Variants in CTNNA3 observed in about 807,000 individuals in gnomAD.
CTNNA3 encodes catenin alpha 3.
A neutral mutation model predicts 95.7 loss-of-function variants in CTNNA3; 76 were observed. That is an observed-to-expected ratio of 0.79 (90% confidence interval 0.66 to 0.96). The LOEUF is 0.96. Among genes scored for constraint, CTNNA3 ranks in the 40% least tolerant of loss-of-function variants. The pLI, the probability that CTNNA3 is intolerant of heterozygous loss-of-function variation, is 0.00. For missense variants in CTNNA3, 1,191 were observed against 1,089.8 expected (o/e 1.09, Z -1.31); for synonymous variants, 431 against 374.4 (o/e 1.15, Z -1.74).
Position 66,520,507 on chromosome 10 carries a change from T to C in CTNNA3, c.1531+110A>G, listed in dbSNP as rs1401458448. The C allele has an allele frequency of 6.3e-6, 6 of 952,046 alleles. 1 individual carries two copies. The Admixed American group carries it at 1.8e-4, about 29-fold the overall frequency. 59.0% of individuals were successfully genotyped at this position (952,046 alleles called of 1,614,324 possible). A position where few individuals can be genotyped will look rare whatever the true frequency, so the allele number is the denominator to read the frequency against. On this transcript the variant is annotated intron_variant, in intron 11 of 17. Coordinates refer to ENST00000433211, the MANE Select transcript of CTNNA3 (RefSeq NM_013266.4). ...CCTCAAGTAATCCACCTGCCTCGGC[T>C]TCCCAAAGTGTTGGCATTACAGGCA...
At chr10:67,402,189 A>G (rs1292392979) in intron 5 of CTNNA3, among the ~76,000 whole-genome samples, 1 of 152,242 alleles carries the variant, frequency 6.6e-6, no homozygotes, top group African/African-American at 2.4e-5. Context: ...AAGGAAGCCA[A>G]GCAATCCAGT....
intron 13 of CTNNA3, among the ~76,000 whole-genome samples, chr10:66,151,602 T>C (rs1246578974): frequency 6.6e-6 from 1 of 151,944 alleles, no homozygotes; most frequent in African/African-American, 2.4e-5. Flanking sequence ...TTCTAGAATG[T>C]ACTAAAGATA....
chr10:67,714,826 ATAAG>A (rs1285404317), intron 1 of CTNNA3, among the ~76,000 whole-genome samples: 1 of 152,184 alleles, frequency 6.6e-6, no homozygotes, highest in Non-Finnish European at 1.5e-5. Flanking sequence ...TTCTCAGTGA[ATAAG>A]TCTCATGAGA....
chr10:66,364,847 A>T (rs1427260155), intron 12 of CTNNA3, among the ~76,000 whole-genome samples: 1 of 152,124 alleles, frequency 6.6e-6, no homozygotes, highest in African/African-American at 2.4e-5. Context: ...AATGATACTT[A>T]TGGCAATGGT....
intron 11 of CTNNA3, among the ~76,000 whole-genome samples, chr10:66,426,082 T>G (rs2093238347): frequency 6.6e-6 from 1 of 152,302 alleles, no homozygotes; most frequent in East Asian, 1.9e-4. Flanking sequence ...CATTGTTTTG[T>G]AGTATTCCAC....
chr10:66,797,797 T>C (rs1034309156), intron 7 of CTNNA3, among the ~76,000 whole-genome samples: 1 of 151,230 alleles, frequency 6.6e-6, no homozygotes, highest in Non-Finnish European at 1.5e-5. Context: ...CCTCAGTCAA[T>C]TTTTTTTTCA....
At chr10:66,171,005 C>T (rs1382408043) in intron 13 of CTNNA3, among the ~76,000 whole-genome samples, 1 of 151,862 alleles carries the variant, frequency 6.6e-6, no homozygotes, top group Admixed American at 6.6e-5. Context: ...TGGTGGCAGG[C>T]ACCTATAATC....
At position 65,969,024 on chromosome 10, in the gene CTNNA3, A is replaced by G. The variant is rs148174382; in HGVS notation, c.2266-2278T>C. ...GAATAAGCCCATTGCCTGAGGCAAGAAAGAGCTTCTGCTAGTAAACAAGGA... is the reference window on the plus strand; with the variant it reads ...GAATAAGCCCATTGCCTGAGGCAAGGAAGAGCTTCTGCTAGTAAACAAGGA... On this transcript the variant is annotated intron_variant, in intron 16 of 17. Transcript: ENST00000433211. 6.4e-4 allele frequency among the ~76,000 whole-genome samples: 97 copies of G among 152,348 alleles called. 2 individuals carry two copies. Among genetic ancestry groups the G allele is most frequent in the African/African-American group, 2.3e-3 (95 of 41,594 alleles).
At chr10:67,760,458 CT>C (rs1841456476) in intron 1 of CTNNA3, among the ~76,000 whole-genome samples, 1 of 152,140 alleles carries the variant, frequency 6.6e-6, no homozygotes, top group Admixed American at 6.5e-5. Flanking sequence ...ATGATATGTT[CT>C]GAAAAATCCA....
At chr10:67,651,632 T>C (rs1249111410) in intron 1 of CTNNA3, among the ~76,000 whole-genome samples, 1 of 152,246 alleles carries the variant, frequency 6.6e-6, no homozygotes, top group African/African-American at 2.4e-5. Context: ...ATTTTCAATA[T>C]TATTAAACAC....
intron 14 of CTNNA3, among the ~76,000 whole-genome samples, chr10:66,100,457 G>A (rs973557307): frequency 6.6e-6 from 1 of 152,192 alleles, no homozygotes; most frequent in African/African-American, 2.4e-5. Context: ...AGAGTAGCCA[G>A]GTTGAATATA....
At chr10:66,018,602 G>T (rs913843810) in intron 15 of CTNNA3, among the ~76,000 whole-genome samples, 29 of 151,960 alleles carry the variant, frequency 1.9e-4, no homozygotes, top group African/African-American at 6.5e-4. Flanking sequence ...ACTTCTGTTT[G>T]TATGAAATGT....
chr10:67,594,710 T>C (rs1842885934), intron 3 of CTNNA3, among the ~76,000 whole-genome samples: 1 of 152,138 alleles, frequency 6.6e-6, no homozygotes, highest in Non-Finnish European at 1.5e-5. Context: ...AAACTTTAGG[T>C]TTCATTGATT....
chr10:67,465,411 C>A (rs776538179), intron 5 of CTNNA3, among the ~76,000 whole-genome samples: 1 of 151,224 alleles, frequency 6.6e-6, no homozygotes, highest in Non-Finnish European at 1.5e-5. Context: ...AGATTATAGA[C>A]GAGGAAAGGA....
intron 5 of CTNNA3, among the ~76,000 whole-genome samples, chr10:67,328,130 C>T (rs1841623343): frequency 6.6e-6 from 1 of 152,126 alleles, no homozygotes; most frequent in African/African-American, 2.4e-5. Context: ...CCCACCTCCA[C>T]AGACACATGC....
intron 3 of CTNNA3, among the ~76,000 whole-genome samples, chr10:67,585,565 G>A (rs916366141): frequency 6.6e-6 from 1 of 152,056 alleles, no homozygotes; most frequent in East Asian, 1.9e-4. Flanking sequence ...ATCTTGGCAG[G>A]TGGTATGTTT....
At chr10:66,921,584 T>C (rs1846787795) in intron 7 of CTNNA3, among the ~76,000 whole-genome samples, 1 of 152,122 alleles carries the variant, frequency 6.6e-6, no homozygotes, top group Non-Finnish European at 1.5e-5. Context: ...GCTTCCACAT[T>C]AGGCCTTTGC....
At chr10:66,760,954 T>A (rs188541344) in intron 9 of CTNNA3, among the ~76,000 whole-genome samples, 1 of 152,292 alleles carries the variant, frequency 6.6e-6, no homozygotes, top group African/African-American at 2.4e-5. Context: ...GTACAAGTGT[T>A]AAGTATGGGT....
chr10:66,151,128 A>T (rs2084177312), intron 13 of CTNNA3, among the ~76,000 whole-genome samples: 1 of 152,036 alleles, frequency 6.6e-6, no homozygotes, highest in Non-Finnish European at 1.5e-5. Flanking sequence ...AGAGTTGGTA[A>T]TATAATATGT....
Sources: allele counts gnomAD v4.1 joint callset (sites outside exome capture counted in the v4.1 genomes callset), GRCh38; gene constraint gnomAD v4.1.1; transcripts MANE v1.5; gene names NCBI Gene and HGNC (gene_info 2026-07-23, HGNC 2026-07-21).